Variants in MCF2L observed in about 807,000 individuals in gnomAD.
The protein encoded by MCF2L is guanine nucleotide exchange factor DBS.
Under a neutral mutation model 153.4 loss-of-function variants are expected in MCF2L, and 97 were observed. The ratio of observed to expected loss-of-function variants is 0.63; its 90% CI spans 0.54 to 0.75. The LOEUF (loss-of-function observed/expected upper bound fraction) is 0.75. Among genes scored for constraint, MCF2L ranks in the 30% least tolerant of loss-of-function variants. The pLI is 0.00. For missense variants in MCF2L, 1,347 were observed against 1,495.2 expected, an observed-to-expected ratio of 0.90 and a Z score of 1.64; for synonymous variants, 659 against 632.2, an observed-to-expected ratio of 1.04 and a Z score of -0.64.
chr13:113,038,682 G>A (rs945402665), intron 3 of MCF2L, among the ~76,000 whole-genome samples: 1 of 152,060 alleles, frequency 6.6e-6, no homozygotes, highest in African/African-American at 2.4e-5. Context: ...GAAAATGCAA[G>A]GGGTGAGGAA....
In MCF2L at chr13:112,969,570, C is replaced by G; in HGVS notation, c.79+112C>G. On this transcript the variant is annotated intron_variant, in intron 1 of 29. Transcript: ENST00000535094. The surrounding 1 kb of genome is among the most constrained non-coding windows in gnomAD (Gnocchi z 4.8). ...AGCCGCCCTCGTGTTCCTTTCTAGC[C>G]GTGGTAGCTGTGACATGGGGGGCAC... 2 of 1,501,284 alleles carry G rather than the reference C, an allele frequency of 1.3e-6. No homozygotes were observed. The highest frequency in any genetic ancestry group is 1.8e-6 in the Non-Finnish European group (2 of 1,115,722). 93.0% of individuals were successfully genotyped at this position (1,501,284 alleles called of 1,614,324 possible). A position where few individuals can be genotyped will look rare whatever the true frequency, so the allele number is the denominator to read the frequency against.
chr13:112,927,735 A>T (rs564848915), intron 2 of MCF2L, among the ~76,000 whole-genome samples: 1 of 152,328 alleles, frequency 6.6e-6, no homozygotes, highest in East Asian at 1.9e-4. Context: ...CTGTCAATTT[A>T]TAGGAAATAC....
intron 2 of MCF2L, among the ~76,000 whole-genome samples, chr13:112,928,345 G>C (rs930434115): frequency 6.6e-6 from 1 of 152,210 alleles, no homozygotes; most frequent in Admixed American, 6.5e-5. Context: ...TGCCCTACCT[G>C]CTTGATTCCT....
In MCF2L at chr13:113,054,417, C is replaced by G. The variant is rs1035831932; in HGVS notation, c.370-6176C>G. ...CAGCGGCCATTCTGAGCACTCGTGT[C>G]TGAACATCTGCAGGAACAGGGTCCA... is the stretch of plus-strand genomic sequence containing the variant. On this transcript the variant is annotated intron_variant, in intron 4 of 29. Coordinates refer to ENST00000535094, the MANE Select transcript of MCF2L (RefSeq NM_001112732.3). This position sits in a 1 kb window ranked among gnomAD's most constrained non-coding sequence, Gnocchi z 5.2. 1 of 167,366 alleles carries G rather than the reference C, an allele frequency of 6.0e-6. No homozygotes were observed. The highest frequency in any genetic ancestry group is 2.4e-5 in the African/African-American group (1 of 41,458). 10.4% of individuals were successfully genotyped at this position (167,366 alleles called of 1,614,324 possible). A position where few individuals can be genotyped will look rare whatever the true frequency, so the allele number is the denominator to read the frequency against.
chr13:112,925,008 G>A (rs968573392), intron 2 of MCF2L, among the ~76,000 whole-genome samples: 1 of 152,150 alleles, frequency 6.6e-6, no homozygotes, highest in Non-Finnish European at 1.5e-5. Context: ...AATGGTGTTG[G>A]GATAACTGGA....
Position 113,086,099 on chromosome 13 carries a change from G to A in MCF2L, c.2248-25G>A, listed in dbSNP as rs202085027. The A allele has an allele frequency of 1.4e-3, 2,293 of 1,591,828 alleles. 5 individuals are homozygous for A. The highest frequency in any genetic ancestry group is 1.8e-3 in the Non-Finnish European group (2,118 of 1,169,144). On this transcript the variant is annotated intron_variant, in intron 20 of 29. Transcript: ENST00000535094. Reference sequence around the variant, plus strand: ...GCCAGGGCTCTCCGTGTCCCGACGCGGTTGCCTCACCCCATGCCCCTCAGG... The same window carrying A: ...GCCAGGGCTCTCCGTGTCCCGACGCAGTTGCCTCACCCCATGCCCCTCAGG...
chr13:112,898,435 C>T (rs925824681), intron 1 of MCF2L, among the ~76,000 whole-genome samples: 9 of 152,154 alleles, frequency 5.9e-5, no homozygotes, highest in African/African-American at 1.9e-4. Flanking sequence ...GCACCATCCC[C>T]GTGAACCGAG....
chr13:113,078,414 G>A lies in MCF2L; in HGVS notation c.1712G>A (p.Arg571Lys), dbSNP rs755420880. ...AGCTCCGAGGGCGGTGCGCTCCGGA[G>A]AGGGCCCTACCGGAGGGCCAAGGTG... is the stretch of plus-strand genomic sequence containing the variant. Reference protein sequence around the residue: ...NSSSEGGALRRGPYRRAKSEM... With the variant: ...NSSSEGGALRKGPYRRAKSEM... The change falls in exon 14 of 30, where the codon AGA (arginine) becomes AAA (lysine). Residue 571 changes from arginine (R) to lysine (K), a missense_variant. Physicochemically the swap from Arg to Lys is conservative, Grantham distance 26. Transcript: ENST00000535094. 1.6e-5 allele frequency: 26 copies of A among 1,612,630 alleles called. No homozygotes were observed. Among genetic ancestry groups the A allele is most frequent in the Non-Finnish European group, 2.1e-5 (25 of 1,179,732 alleles).
Position 113,098,590 on chromosome 13 carries a change from C to G in MCF2L, c.*1731C>G, listed in dbSNP as rs928486843. On this transcript the variant is annotated 3_prime_UTR_variant, in exon 30 of 30. Transcript: ENST00000535094. ...TCAAGACACAGAACGTCTCAGCAGTCGGGGTTTCCAGGGCCGCAGTGCACT... is the reference window on the plus strand; with the variant it reads ...TCAAGACACAGAACGTCTCAGCAGTGGGGGTTTCCAGGGCCGCAGTGCACT... 1 of 152,282 alleles carries G rather than the reference C, an allele frequency of 6.6e-6. No individual in the cohort carries two copies. The highest frequency in any genetic ancestry group is 2.4e-5 in the African/African-American group (1 of 41,472). 9.4% of individuals were successfully genotyped at this position (152,282 alleles called of 1,614,324 possible). A position where few individuals can be genotyped will look rare whatever the true frequency, so the allele number is the denominator to read the frequency against.
chr13:112,930,859 C>A lies in MCF2L; in HGVS notation c.169+28488C>A, dbSNP rs551182521. On this transcript the variant is annotated intron_variant, in intron 2 of 29. Transcript: ENST00000375608. ...GGCTGAGGCAAGAGAATTGCTTGAA[C>A]CCAGGAGGCAGGGGTTGGAGTGAGC... is the stretch of plus-strand genomic sequence containing the variant. Among the ~76,000 whole-genome samples, 215 of 152,254 alleles carry A rather than the reference C, an allele frequency of 1.4e-3. 1 individual carries two copies. Among genetic ancestry groups the A allele is most frequent in the African/African-American group, 4.5e-3 (187 of 41,552 alleles).
Position 113,044,537 on chromosome 13 carries a change from T to G in MCF2L, c.279-734T>G, listed in dbSNP as rs113741292. ...CTAGCCCCTGCCTTAGGCATGCCCG[T>G]GTGGTTGTTTCTGCTTTGGATTGGC... On this transcript the variant is annotated intron_variant, in intron 3 of 29. Coordinates refer to ENST00000535094, the MANE Select transcript of MCF2L (RefSeq NM_001112732.3). The G allele has an allele frequency of 9.0e-5, 112 of 1,243,400 alleles. No individual in the cohort carries two copies. The African/African-American group carries it at 1.1e-3, about 12-fold the overall frequency. The allele number at this position is 1,243,400 out of a possible 1,614,324, so 77.0% of individuals were successfully genotyped here.
intron 4 of MCF2L, among the ~76,000 whole-genome samples, chr13:113,048,769 T>G (rs569378415): frequency 3.5e-4 from 54 of 152,306 alleles, no homozygotes; most frequent in Non-Finnish European, 6.3e-4. Flanking sequence ...ACAGACTCTG[T>G]GTAGTTAGCA....
Position 113,083,042 on chromosome 13 carries a change from C to T in MCF2L, c.1991+500C>T, listed in dbSNP as rs147145014. Among the ~76,000 whole-genome samples the T allele has an allele frequency of 3.7e-3, 564 of 152,316 alleles. 4 individuals are homozygous for T. Among genetic ancestry groups the T allele is most frequent in the African/African-American group, 0.013 (532 of 41,562 alleles). On this transcript the variant is annotated intron_variant, in intron 17 of 29. Transcript: ENST00000535094. ...GGGGCTGCTTGTCCCCCGAGCGACCCGTGGCCTCTCCAGTGCAGGTGGCCT... is the reference window on the plus strand; with the variant it reads ...GGGGCTGCTTGTCCCCCGAGCGACCTGTGGCCTCTCCAGTGCAGGTGGCCT...
chr13:112,971,685 G>C (rs1261761580), intron 1 of MCF2L, among the ~76,000 whole-genome samples: 1 of 152,176 alleles, frequency 6.6e-6, no homozygotes, highest in East Asian at 1.9e-4. Flanking sequence ...CTGTCCATAT[G>C]GTCTGTGAAT....
intron 1 of MCF2L, among the ~76,000 whole-genome samples, chr13:113,004,825 G>T (rs1029294812): frequency 6.6e-6 from 1 of 152,248 alleles, no homozygotes; most frequent in Non-Finnish European, 1.5e-5. Flanking sequence ...GCTTCACGTT[G>T]GTGCCCATTT....
At chr13:113,015,636 G>A (rs574557976) in intron 2 of MCF2L, among the ~76,000 whole-genome samples, 10 of 152,312 alleles carry the variant, frequency 6.6e-5, no homozygotes, top group Admixed American at 5.9e-4. Context: ...GAGCCAGCCT[G>A]CACCCCAGGC....
At chr13:112,915,151 T>C (rs2081277659) in intron 2 of MCF2L, among the ~76,000 whole-genome samples, 1 of 152,086 alleles carries the variant, frequency 6.6e-6, no homozygotes, top group Non-Finnish European at 1.5e-5. Flanking sequence ...GGCTCAAGCC[T>C]GTAATCCCAG....
At position 112,943,769 on chromosome 13, in the gene MCF2L, A is replaced by G. The variant is rs1407969349; in HGVS notation, c.169+41398A>G. ...CTCGGGCCGGCGGAGATCTGGGAGC[A>G]TTTTCTGGAAGCCTCCACAGACTTC... On this transcript the variant is annotated intron_variant, in intron 2 of 29. Transcript: ENST00000375608. This position sits in a 1 kb window ranked among gnomAD's most constrained non-coding sequence, Gnocchi z 4.2. 1.3e-5 allele frequency among the ~76,000 whole-genome samples: 2 copies of G among 151,596 alleles called. No homozygotes were observed. Among genetic ancestry groups the G allele is most frequent in the Non-Finnish European group, 2.9e-5 (2 of 67,922 alleles).
Position 113,074,366 on chromosome 13 carries a change from G to A in MCF2L, c.997-78G>A, listed in dbSNP as rs1377591436. ...CGACTTTGAATTCTGTCATTTCCCT[G>A]ATCTGGAGCACTGGAGTGGGTTCTC... On this transcript the variant is annotated intron_variant, in intron 9 of 29. Transcript: ENST00000535094. The surrounding 1 kb of genome is among the most constrained non-coding windows in gnomAD (Gnocchi z 4.2). The A allele has an allele frequency of 5.8e-6, 9 of 1,551,026 alleles. No homozygotes were observed. The highest frequency in any genetic ancestry group is 1.4e-5 in the African/African-American group (1 of 73,626).
Sources: allele counts gnomAD v4.1 joint callset (sites outside exome capture counted in the v4.1 genomes callset), GRCh38; gene constraint gnomAD v4.1.1; non-coding constraint Gnocchi (gnomAD v3.1); transcripts MANE v1.5; gene names NCBI Gene and HGNC (gene_info 2026-07-23, HGNC 2026-07-21).